Variants in ANKRD52 observed in about 807,000 individuals in gnomAD.
ANKRD52 encodes ankyrin repeat domain 52.
Under a neutral mutation model 116.0 loss-of-function variants are expected in ANKRD52, and 7 were observed. The ratio of observed to expected loss-of-function variants is 0.06; its 90% CI spans 0.03 to 0.11. ANKRD52 has a LOEUF of 0.11. Among genes scored for constraint, ANKRD52 ranks in the 10% least tolerant of loss-of-function variants. ANKRD52 has a pLI of 1.00. For missense variants in ANKRD52, 839 were observed against 1,408.6 expected (o/e 0.60, Z 6.47); for synonymous variants, 528 against 578.1 (o/e 0.91, Z 1.24).
In ANKRD52 at chr12:56,244,030, C is replaced by T. The variant is rs551280119; in HGVS notation, c.2888+21G>A. The T allele has an allele frequency of 6.2e-7, 1 of 1,612,794 alleles. No individual in the cohort carries two copies. Among genetic ancestry groups the T allele is most frequent in the Non-Finnish European group, 8.5e-7 (1 of 1,179,296 alleles). ...CCCACTGGCCTCCCCCAGCCAGGAG[C>T]CCCCTTCCCCAGGCACTCACATCTG... On this transcript the variant is annotated intron_variant, in intron 26 of 27. Transcript: ENST00000267116. The surrounding 1 kb of genome is among the most constrained non-coding windows in gnomAD (Gnocchi z 4.9).
In ANKRD52 at chr12:56,243,818, G is replaced by A; in HGVS notation, c.2947C>T (p.His983Tyr). ...LASVVQALLS[H>Y]GATVLAVDEE... is the part of the protein sequence containing the mutation. ...TCCACAGCCAGCACTGTGGCCCCATGACTCAGCAGGGCCTGTACCACAGAA... is the reference window on the plus strand; with the variant it reads ...TCCACAGCCAGCACTGTGGCCCCATAACTCAGCAGGGCCTGTACCACAGAA... The change falls in exon 27 of 28, where the codon CAT (histidine) becomes TAT (tyrosine). Residue 983 changes from histidine to tyrosine, a missense_variant. This residue lies in a region of ANKRD52 where 552 missense variants were observed against 810.6 expected (regional missense o/e 0.68). Coordinates refer to ENST00000267116, the MANE Select transcript of ANKRD52 (RefSeq NM_173595.4). The surrounding 1 kb of genome is among the most constrained non-coding windows in gnomAD (Gnocchi z 4.6). The A allele has an allele frequency of 6.4e-7, 1 of 1,563,762 alleles. No individual in the cohort carries two copies. The highest frequency in any genetic ancestry group is 8.7e-7 in the Non-Finnish European group (1 of 1,153,868).
In ANKRD52 at chr12:56,252,701, T is replaced by C; in HGVS notation, c.1301+79A>G. ...CTTTCATTGTGAGAGGGGGAATAGA[T>C]CTGGGCAGGCAAGAATGAGGGGCCC... On this transcript the variant is annotated intron_variant, in intron 12 of 27. Transcript: ENST00000267116. This position sits in a 1 kb window ranked among gnomAD's most constrained non-coding sequence, Gnocchi z 4.7. 2 of 1,549,300 alleles carry C rather than the reference T, an allele frequency of 1.3e-6. No homozygotes were observed. Among genetic ancestry groups the C allele is most frequent in the Non-Finnish European group, 1.8e-6 (2 of 1,124,740 alleles).
chr12:56,258,314 G>A lies in ANKRD52; in HGVS notation c.-45C>T. 6.6e-7 allele frequency: 1 copy of A among 1,522,740 alleles called. No individual in the cohort carries two copies. Among genetic ancestry groups the A allele is most frequent in the Non-Finnish European group, 8.8e-7 (1 of 1,137,214 alleles). The allele number at this position is 1,522,740 out of a possible 1,614,324, so 94.3% of individuals were successfully genotyped here. ...CCGCATCGAGCTCCCGGCGGCGGCG[G>A]CGGCGGCTCCACCGGGGACACGGAG... On this transcript the variant is annotated 5_prime_UTR_variant, in exon 1 of 28. Transcript: ENST00000267116.
At chr12:56,249,580 A>T (rs1565609960) in intron 15 of ANKRD52, among the ~76,000 whole-genome samples, 2 of 151,694 alleles carry the variant, frequency 1.3e-5, no homozygotes, top group Non-Finnish European at 2.9e-5. Flanking sequence ...AATAAATCTT[A>T]AAAAAAAATT....
In ANKRD52 at chr12:56,252,141, A is replaced by G. The variant is rs1456377076; in HGVS notation, c.1511+34T>C. 6.2e-7 allele frequency: 1 copy of G among 1,613,882 alleles called. No individual in the cohort carries two copies. Among genetic ancestry groups the G allele is most frequent in the South Asian group, 1.1e-5 (1 of 91,082 alleles). ...GTTAGGGCCAGGCTCAGGGAGGTGA[A>G]TGGGGCTGAGAAGGACCAGACTGGT... is the stretch of plus-strand genomic sequence containing the variant. On this transcript the variant is annotated intron_variant, in intron 14 of 27. Coordinates refer to ENST00000267116, the MANE Select transcript of ANKRD52 (RefSeq NM_173595.4). This position sits in a 1 kb window ranked among gnomAD's most constrained non-coding sequence, Gnocchi z 4.7.
At position 56,255,943 on chromosome 12, in the gene ANKRD52, A is replaced by G; in HGVS notation, c.303T>C (p.Asn101=). ...GLLLAHSADV[N]ARDKLWQTPL... is the part of the protein sequence containing the mutation. ...GTGTCTGCCACAGCTTGTCCCGGGC[A>G]TTCACATCTGCTGAATGTGCCAGCA... Residue 101 remains asparagine, a synonymous_variant, in exon 5 of 28, where the codon AAT becomes AAC. Coordinates refer to ENST00000267116, the MANE Select transcript of ANKRD52 (RefSeq NM_173595.4). This position sits in a 1 kb window ranked among gnomAD's most constrained non-coding sequence, Gnocchi z 4.3. 6.3e-7 allele frequency: 1 copy of G among 1,575,854 alleles called. No homozygotes were observed. Among genetic ancestry groups the G allele is most frequent in the Non-Finnish European group, 8.6e-7 (1 of 1,159,326 alleles).
At chr12:56,247,390 T>C (rs1055176459) in intron 20 of ANKRD52, 103 bp downstream of exon 20, 1 of 752,486 alleles carries the variant, frequency 1.3e-6, no homozygotes, top group African/African-American at 1.9e-5. Flanking sequence ...CGGCACAAAA[T>C]CCTGGCTTGC....
At position 56,255,702 on chromosome 12, in the gene ANKRD52, A is replaced by T; in HGVS notation, c.462+82T>A. On this transcript the variant is annotated intron_variant, in intron 5 of 27. Transcript: ENST00000267116. This position sits in a 1 kb window ranked among gnomAD's most constrained non-coding sequence, Gnocchi z 4.3. The stretch of plus-strand genomic sequence containing the variant: ...CCGGGCTGCTTCTCCTTCAGGCTTG[A>T]GGGCCCAGAAGCAGGGAAACGTGAG... 1 of 1,351,354 alleles carries T rather than the reference A, an allele frequency of 7.4e-7. No homozygotes were observed. The highest frequency in any genetic ancestry group is 1.0e-6 in the Non-Finnish European group (1 of 983,506). The allele number at this position is 1,351,354 out of a possible 1,614,324, so 83.7% of individuals were successfully genotyped here.
Position 56,253,160 on chromosome 12 carries a change from C to T in ANKRD52, c.1101-74G>A. On this transcript the variant is annotated intron_variant, in intron 10 of 27. Coordinates refer to ENST00000267116, the MANE Select transcript of ANKRD52 (RefSeq NM_173595.4). This position sits in a 1 kb window ranked among gnomAD's most constrained non-coding sequence, Gnocchi z 5.5. ...TAAGACCTCTTCTGTGACCTACCACCACCCTAGAGTCAGGGTAGGAGGTTC... is the reference window on the plus strand; with the variant it reads ...TAAGACCTCTTCTGTGACCTACCACTACCCTAGAGTCAGGGTAGGAGGTTC... 1 of 1,441,724 alleles carries T rather than the reference C, an allele frequency of 6.9e-7. No homozygotes were observed. Among genetic ancestry groups the T allele is most frequent in the Non-Finnish European group, 9.4e-7 (1 of 1,059,480 alleles). The allele number at this position is 1,441,724 out of a possible 1,614,324, so 89.3% of individuals were successfully genotyped here.
At chr12:56,247,236 C>CT (rs1444756152) in intron 20 of ANKRD52, among the ~76,000 whole-genome samples, 9 of 150,454 alleles carry the variant, frequency 6.0e-5, no homozygotes, top group Non-Finnish European at 1.0e-4. Context: ...GTTTCAGCTA[C>CT]TTAGGAGGCT....
intron 2 of ANKRD52, 144 bp downstream of exon 2, chr12:56,257,684 G>A (rs1872023851): frequency 2.5e-6 from 2 of 809,986 alleles, no homozygotes; most frequent in Non-Finnish European, 4.0e-6. Flanking sequence ...ATCCCCAAAT[G>A]CAGAGTAGGC....
rs571015255 is a variant in ANKRD52 at position 56,248,247 on chromosome 12, T to C, written c.1777-23A>G. On this transcript the variant is annotated intron_variant, in intron 17 of 27. Coordinates refer to ENST00000267116, the MANE Select transcript of ANKRD52 (RefSeq NM_173595.4). The surrounding 1 kb of genome is among the most constrained non-coding windows in gnomAD (Gnocchi z 5.1). ...GGCCTGGCAAGGTGCAGGCAACCAG[T>C]GCACACAGCTCGGGACCTTCCCTGC... 106 of 1,611,942 alleles carry C rather than the reference T, an allele frequency of 6.6e-5. 1 individual carries two copies. In the South Asian group the frequency reaches 1.1e-3, roughly 17 times the overall value.
In ANKRD52 at chr12:56,243,050, T is replaced by G; in HGVS notation, c.*92A>C. 9.3e-4 allele frequency: 1,233 copies of G among 1,326,860 alleles called. No homozygotes were observed. Among genetic ancestry groups the G allele is most frequent in the East Asian group, 2.0e-3 (69 of 35,236 alleles). The allele number at this position is 1,326,860 out of a possible 1,614,324, so 82.2% of individuals were successfully genotyped here. ...CCTCCGCCCCCTCCACCCAGTCGTG[T>G]TCTCCTTTAAAGTGCCCTAAATGTT... On this transcript the variant is annotated 3_prime_UTR_variant, in exon 28 of 28. Transcript: ENST00000267116. This position sits in a 1 kb window ranked among gnomAD's most constrained non-coding sequence, Gnocchi z 4.6.
Position 56,242,296 on chromosome 12 carries a change from C to G in ANKRD52, c.*846G>C, listed in dbSNP as rs1009039950. 7.5e-6 allele frequency: 3 copies of G among 397,356 alleles called. No homozygotes were observed. The Admixed American group carries it at 1.3e-4, about 18-fold the overall frequency. 24.6% of individuals were successfully genotyped at this position (397,356 alleles called of 1,614,324 possible). On this transcript the variant is annotated 3_prime_UTR_variant, in exon 28 of 28. Coordinates refer to ENST00000267116, the MANE Select transcript of ANKRD52 (RefSeq NM_173595.4). The surrounding 1 kb of genome is among the most constrained non-coding windows in gnomAD (Gnocchi z 4.3). ...CGCTTACTTAAAAATTCATGACAAG[C>G]CTCAAAGTTCAAGGGAAGGAGAGCC...
chr12:56,258,120 G>A (rs539175703), intron 1 of ANKRD52, 123 bp downstream of exon 1: 2 of 1,487,874 alleles, frequency 1.3e-6, no homozygotes, highest in Admixed American at 2.0e-5. Context: ...GCGCGGCATG[G>A]GGCGGGGCGG....
rs2135873398 is a variant in ANKRD52, at chr12:56,240,743, A to T, written c.*2399T>A. On this transcript the variant is annotated 3_prime_UTR_variant, in exon 28 of 28. Transcript: ENST00000267116. The surrounding 1 kb of genome is among the most constrained non-coding windows in gnomAD (Gnocchi z 4.2). Reference sequence around the variant, plus strand: ...CTGCTTGTCCCCCAGGCTTCCTCACAGCCACATATGGAGGGACAGAGGACT... The same window carrying T: ...CTGCTTGTCCCCCAGGCTTCCTCACTGCCACATATGGAGGGACAGAGGACT... 6.6e-6 allele frequency: 1 copy of T among 152,340 alleles called. No homozygotes were observed. The highest frequency in any genetic ancestry group is 3.4e-3 in the Middle Eastern group (1 of 294). The allele number at this position is 152,340 out of a possible 1,614,324, so 9.4% of individuals were successfully genotyped here.
At position 56,245,154 on chromosome 12, in the gene ANKRD52, C is replaced by G; in HGVS notation, c.2441G>C (p.Ser814Thr). The change falls in exon 22 of 28, where the codon AGC becomes ACC. Residue 814 changes from serine to threonine, a missense_variant. By Grantham distance (58) the Ser-to-Thr change is moderately conservative. Coordinates refer to ENST00000267116, the MANE Select transcript of ANKRD52 (RefSeq NM_173595.4). ...EDCLELLLEHSPFSYLEGNPF... is the reference protein window; with the variant it reads ...EDCLELLLEHTPFSYLEGNPF... ...GTTTCCTTCCAGGTACGAAAACGGGCTGTGTTCAAGTAACAACTCCAGACA... is the reference window on the plus strand; with the variant it reads ...GTTTCCTTCCAGGTACGAAAACGGGGTGTGTTCAAGTAACAACTCCAGACA... The G allele has an allele frequency of 3.7e-6, 6 of 1,613,984 alleles. No homozygotes were observed. Among genetic ancestry groups the G allele is most frequent in the Non-Finnish European group, 5.1e-6 (6 of 1,179,892 alleles).
In ANKRD52 at chr12:56,245,514, G is replaced by A. The variant is rs771081273; in HGVS notation, c.2267C>T (p.Thr756Met). 6 of 1,611,584 alleles carry A rather than the reference G, an allele frequency of 3.7e-6. No individual in the cohort carries two copies. In the African/African-American group the frequency reaches 4.0e-5, roughly 11 times the overall value. Residue 756 changes from threonine to methionine, a missense_variant, in exon 21 of 28, where the codon ACG (threonine) becomes ATG (methionine). By Grantham distance (81) the Thr-to-Met change is moderately conservative. Around this residue, in one of 2 missense-constraint regions of ANKRD52, gnomAD observed 552 missense variants for 810.6 expected, o/e 0.68. Coordinates refer to ENST00000267116, the MANE Select transcript of ANKRD52 (RefSeq NM_173595.4). ...ACAGGCTGAGGCCAGGTGAATGGGC[G>A]TGCGGCCCTTAAAGTCTCGGCACAG... ...FVLCRDFKGR[T>M]PIHLASACGH...
rs946923482 is a variant in ANKRD52, at chr12:56,249,785, A to C, written c.1593-915T>G. On this transcript the variant is annotated intron_variant, in intron 15 of 27. Transcript: ENST00000267116. ...CTGGGCGTGGTGGCTCACGCCTGCA[A>C]TCCTAGCACTTTGGGAGGCCAAGGC... 2.6e-5 allele frequency among the ~76,000 whole-genome samples: 4 copies of C among 152,262 alleles called. No homozygotes were observed. The East Asian group carries it at 7.7e-4, about 29-fold the overall frequency.
Sources: allele counts gnomAD v4.1 joint callset (sites outside exome capture counted in the v4.1 genomes callset), GRCh38; gene constraint gnomAD v4.1.1; regional missense constraint gnomAD v4.1.1; non-coding constraint Gnocchi (gnomAD v3.1); transcripts MANE v1.5; gene names NCBI Gene and HGNC (gene_info 2026-07-23, HGNC 2026-07-21).